CDH12: variants seen among roughly 807,000 people sequenced by gnomAD.
CDH12 encodes the protein cadherin-12.
A neutral mutation model predicts 74.1 loss-of-function variants in CDH12; 41 were observed. That is an observed-to-expected ratio of 0.55 (90% CI 0.43 to 0.72). CDH12 has a LOEUF of 0.72. Among genes scored for constraint, CDH12 ranks in the 30% least tolerant of loss-of-function variants. The pLI is 0.00. For synonymous variants in CDH12, 399 were observed against 355.0 expected (o/e 1.12, Z -1.39); for missense variants, 945 against 977.2 (o/e 0.97, Z 0.44).
At chr5:22,800,036 G>A (rs1748430982) in intron 1 of CDH12, among the ~76,000 whole-genome samples, 1 of 152,182 alleles carries the variant, frequency 6.6e-6, no homozygotes, top group East Asian at 1.9e-4. Flanking sequence ...CGTGATAAAT[G>A]CTAGGAAAGA....
At chr5:21,926,983 T>TTGA (rs1381677433) in intron 6 of CDH12, among the ~76,000 whole-genome samples, 1 of 152,150 alleles carries the variant, frequency 6.6e-6, no homozygotes, top group Non-Finnish European at 1.5e-5. Context: ...AGGCCAGCAG[T>TTGA]TGACTAAATG....
At chr5:22,571,618 T>C (rs1188553111) in intron 1 of CDH12, among the ~76,000 whole-genome samples, 2 of 152,226 alleles carry the variant, frequency 1.3e-5, no homozygotes, top group African/African-American at 4.8e-5. Context: ...TGAGCCAACG[T>C]GCCCGGCAAT....
At chr5:22,248,072 G>C (rs2150385545) in intron 3 of CDH12, among the ~76,000 whole-genome samples, 1 of 152,244 alleles carries the variant, frequency 6.6e-6, no homozygotes, top group East Asian at 1.9e-4. Context: ...CGAGGTTTGT[G>C]GATCACCTGA....
chr5:21,938,748 A>ATATATATATATATCTC (rs1490336535), intron 6 of CDH12, among the ~76,000 whole-genome samples: 1 of 136,612 alleles, frequency 7.3e-6, no homozygotes, highest in African/African-American at 3.0e-5. Flanking sequence ...ATATATATAT[A>ATATATATATATATCTC]TCTTCTACAT....
chr5:22,270,219 C>T (rs939362481), intron 3 of CDH12, among the ~76,000 whole-genome samples: 20 of 152,168 alleles, frequency 1.3e-4, no homozygotes, highest in Admixed American at 9.8e-4. Context: ...ATCACTTCTC[C>T]ATTGTATTCA....
intron 1 of CDH12, among the ~76,000 whole-genome samples, chr5:22,527,193 A>G (rs1371492073): frequency 2.6e-5 from 4 of 152,148 alleles, no homozygotes; most frequent in Non-Finnish European, 5.9e-5. Context: ...AAGAAAGACT[A>G]GTAGTATAAA....
chr5:21,811,720 T>TTTTG lies in CDH12; in HGVS notation c.1002+5224_1002+5225insCAAA, dbSNP rs386403247. Among the ~76,000 whole-genome samples the TTTTG allele has an allele frequency of 9.4e-3, 1,415 of 151,262 alleles. 29 individuals carry two copies. The highest frequency in any genetic ancestry group is 0.014 in the Non-Finnish European group (930 of 67,694). The stretch of plus-strand genomic sequence containing the variant: ...CCATATAGGACAAGCTTTTTTTTTT[T>TTTTG]TTTACAGTTTTCTCAGAGTGGTAGG... On this transcript the variant is annotated intron_variant, in intron 9 of 14. Coordinates refer to ENST00000382254, the MANE Select transcript of CDH12 (RefSeq NM_004061.5).
intron 3 of CDH12, among the ~76,000 whole-genome samples, chr5:22,380,268 G>T (rs998006840): frequency 2.0e-5 from 3 of 152,046 alleles, no homozygotes; most frequent in Non-Finnish European, 4.4e-5. Flanking sequence ...AACCTCCACT[G>T]GGGACTTTTC....
chr5:22,338,421 C>T (rs1315154939), intron 3 of CDH12, among the ~76,000 whole-genome samples: 2 of 151,612 alleles, frequency 1.3e-5, no homozygotes, highest in Non-Finnish European at 2.9e-5. Flanking sequence ...CTACCAGAGG[C>T]TGGGAAGGGT....
At chr5:21,895,755 A>G (rs1029120942) in intron 6 of CDH12, among the ~76,000 whole-genome samples, 6 of 152,136 alleles carry the variant, frequency 3.9e-5, no homozygotes, top group Non-Finnish European at 8.8e-5. Context: ...CCAAGTGCCC[A>G]GGTAGTAGCC....
At chr5:21,960,686 A>G (rs1756316966) in intron 6 of CDH12, among the ~76,000 whole-genome samples, 1 of 152,112 alleles carries the variant, frequency 6.6e-6, no homozygotes, top group South Asian at 2.1e-4. Flanking sequence ...GCCAGTATAT[A>G]TACAAATGAC....
intron 5 of CDH12, among the ~76,000 whole-genome samples, chr5:22,053,585 A>G (rs1740538650): frequency 6.6e-6 from 1 of 151,912 alleles, no homozygotes; most frequent in Non-Finnish European, 1.5e-5. Flanking sequence ...TTCATAAGTG[A>G]CCTGTAACTA....
At chr5:21,820,470 TG>T (rs1178871768) in intron 8 of CDH12, among the ~76,000 whole-genome samples, 1 of 152,016 alleles carries the variant, frequency 6.6e-6, no homozygotes, top group East Asian at 1.9e-4. Context: ...GATTACTTTT[TG>T]TGTGTGTTAA....
intron 3 of CDH12, among the ~76,000 whole-genome samples, chr5:22,306,540 T>C (rs191144418): frequency 2.6e-4 from 40 of 152,302 alleles, no homozygotes; most frequent in Middle Eastern, 3.4e-3. Flanking sequence ...TTTACTTTAC[T>C]TTTCTGAGTT....
intron 6 of CDH12, among the ~76,000 whole-genome samples, chr5:21,947,550 A>G (rs1755636301): frequency 6.6e-6 from 1 of 152,162 alleles, no homozygotes; most frequent in African/African-American, 2.4e-5. Flanking sequence ...TGGAACTTTT[A>G]ATTTGAGAAA....
At chr5:22,806,875 C>T (rs548116438) in intron 1 of CDH12, among the ~76,000 whole-genome samples, 8 of 152,144 alleles carry the variant, frequency 5.3e-5, no homozygotes, top group African/African-American at 1.9e-4. Context: ...GATATTAGCC[C>T]TTTGTCAGAT....
intron 4 of CDH12, among the ~76,000 whole-genome samples, chr5:22,138,733 T>G (rs545587179): frequency 6.7e-6 from 1 of 148,854 alleles, no homozygotes; most frequent in Admixed American, 6.8e-5. Context: ...TCTTTTGTTT[T>G]GCTGTCAAAT....
chr5:22,143,764 C>T (rs902479183), intron 4 of CDH12: 1 of 152,098 alleles, frequency 6.6e-6, no homozygotes, highest in Non-Finnish European at 1.5e-5. Flanking sequence ...AAAAATCTTT[C>T]AGATAAGAGG....
chr5:21,880,617 T>TCTC (rs1175606424), intron 6 of CDH12, among the ~76,000 whole-genome samples: 56 of 54,012 alleles, frequency 1.0e-3, no homozygotes, highest in African/African-American at 4.2e-3. Context: ...CCTTCCTTCC[T>TCTC]TCTTTCTTTC....
Sources: allele counts gnomAD v4.1 joint callset (sites outside exome capture counted in the v4.1 genomes callset), GRCh38; gene constraint gnomAD v4.1.1; transcripts MANE v1.5; gene names NCBI Gene and HGNC (gene_info 2026-07-23, HGNC 2026-07-21).